Variants in PPP1R7 observed in about 807,000 individuals in gnomAD.
PPP1R7 encodes protein phosphatase 1 regulatory subunit 22.
In PPP1R7, 18 loss-of-function variants were observed where a neutral mutation model predicts 45.2. That is an observed-to-expected ratio of 0.40 (90% confidence interval 0.28 to 0.59). The LOEUF (loss-of-function observed/expected upper bound fraction) is 0.59. Among genes scored for constraint, PPP1R7 ranks in the 20% least tolerant of loss-of-function variants. The pLI, the probability that PPP1R7 is intolerant of heterozygous loss-of-function variation, is 0.46. For synonymous variants in PPP1R7, 181 were observed against 183.4 expected (o/e 0.99, Z 0.11); for missense variants, 314 against 455.8 (o/e 0.69, Z 2.83).
chr2:241,152,493 G>T (rs1455108748), intron 1 of PPP1R7, among the ~76,000 whole-genome samples: 1 of 152,216 alleles, frequency 6.6e-6, no homozygotes, highest in East Asian at 1.9e-4. Context: ...CATTGCGGGG[G>T]TAGGGAAGAA....
chr2:241,149,685 C>T, upstream of PPP1R7: 3 of 1,549,462 alleles, frequency 1.9e-6, no homozygotes, highest in East Asian at 2.4e-5. Context: ...GATGCGGTTT[C>T]CTCCCGACTC....
At chr2:241,169,958 G>C (rs1307635001) in intron 9 of PPP1R7, 91 bp downstream of exon 9, 2 of 1,107,002 alleles carry the variant, frequency 1.8e-6, no homozygotes, top group African/African-American at 3.1e-5. Flanking sequence ...AGAATCTCCT[G>C]TAAGCCTTCA....
chr2:241,175,261 C>T (rs1222543259), intron 9 of PPP1R7, among the ~76,000 whole-genome samples: 3 of 152,324 alleles, frequency 2.0e-5, no homozygotes, highest in East Asian at 3.9e-4. Flanking sequence ...TGGTGCACAG[C>T]CATCACCACC....
chr2:241,164,536 A>G (rs2149059927), intron 7 of PPP1R7, among the ~76,000 whole-genome samples: 2 of 152,294 alleles, frequency 1.3e-5, no homozygotes, highest in Middle Eastern at 3.4e-3. Flanking sequence ...GATCCCTTCG[A>G]CTGATACTGA....
rs1559423588 is a variant in PPP1R7, at chr2:241,166,396, C to T, written c.774C>T (p.Tyr258=). The T allele has an allele frequency of 1.2e-6, 2 of 1,613,996 alleles. No homozygotes were observed. The highest frequency in any genetic ancestry group is 1.7e-6 in the Non-Finnish European group (2 of 1,179,908). ...ACCTGGTGAACCTGCGGGAGCTGTACCTTAGCCACAATGGCATCGAGGTCA... is the reference window on the plus strand; with the variant it reads ...ACCTGGTGAACCTGCGGGAGCTGTATCTTAGCCACAATGGCATCGAGGTCA... ...LQNLVNLREL[Y]LSHNGIEVIE... Residue 258 remains tyrosine (Y), a synonymous_variant, in exon 8 of 10, where the codon TAC becomes TAT. Coordinates refer to ENST00000234038, the MANE Select transcript of PPP1R7 (RefSeq NM_002712.3).
chr2:241,149,874 G>T (rs1388842041), upstream of PPP1R7: 1 of 1,452,860 alleles, frequency 6.9e-7, no homozygotes, highest in African/African-American at 1.4e-5. Flanking sequence ...CCCGGAGCCA[G>T]CCAGCTGGCT....
At chr2:241,171,481 A>C (rs2067815712) in intron 9 of PPP1R7, among the ~76,000 whole-genome samples, 1 of 152,230 alleles carries the variant, frequency 6.6e-6, no homozygotes, top group Non-Finnish European at 1.5e-5. Flanking sequence ...AGGAATTCTC[A>C]AACTCAGTTC....
chr2:241,163,178 A>G (rs2067632245), intron 6 of PPP1R7, 107 bp from the exon 7 acceptor site: 2 of 695,888 alleles, frequency 2.9e-6, no homozygotes, highest in African/African-American at 1.8e-5. Context: ...CTAGCCCCAC[A>G]TCGCAGAGCT....
chr2:241,171,876 C>T (rs904894004), intron 9 of PPP1R7, among the ~76,000 whole-genome samples: 1 of 152,156 alleles, frequency 6.6e-6, no homozygotes, highest in Non-Finnish European at 1.5e-5. Context: ...TTATGATTAG[C>T]GCTCTCATGG....
intron 7 of PPP1R7, among the ~76,000 whole-genome samples, chr2:241,166,048 G>A (rs1424854165): frequency 6.8e-6 from 1 of 147,050 alleles, no homozygotes; most frequent in African/African-American, 2.4e-5. Flanking sequence ...GACTACAGGC[G>A]CCCATCATCA....
intron 8 of PPP1R7, among the ~76,000 whole-genome samples, chr2:241,166,702 A>C (rs748211013): frequency 6.6e-6 from 1 of 152,162 alleles, no homozygotes; most frequent in Non-Finnish European, 1.5e-5. Flanking sequence ...GGATTTCAGC[A>C]CAGGCTTCCC....
upstream of PPP1R7, chr2:241,150,287 G>A (rs1163374125): frequency 8.4e-6 from 11 of 1,312,638 alleles, no homozygotes; most frequent in Non-Finnish European, 1.1e-5. Flanking sequence ...TTCCGGCTCC[G>A]CCGCCTGAAA....
At chr2:241,164,657 G>A (rs985205523) in intron 7 of PPP1R7, among the ~76,000 whole-genome samples, 2 of 152,260 alleles carry the variant, frequency 1.3e-5, no homozygotes, top group South Asian at 4.1e-4. Context: ...TCAGCACTTC[G>A]GGAGATCTAG....
At chr2:241,159,142 C>T in intron 4 of PPP1R7, 71 bp from the exon 5 acceptor site, 1 of 1,538,272 alleles carries the variant, frequency 6.5e-7, no homozygotes, top group South Asian at 1.1e-5. Context: ...CTTGTGTCCT[C>T]CAGTATCAGC....
At chr2:241,176,484 C>T (rs1287844089) in intron 9 of PPP1R7, among the ~76,000 whole-genome samples, 1 of 145,510 alleles carries the variant, frequency 6.9e-6, no homozygotes, top group Non-Finnish European at 1.5e-5. Context: ...TGAGATGGAG[C>T]TTTGCTCCTG....
At chr2:241,150,241 C>T (rs951246297), upstream of PPP1R7, 1 of 1,287,998 alleles carries the variant, frequency 7.8e-7, no homozygotes, top group Non-Finnish European at 9.8e-7. Context: ...CTTCGACTCC[C>T]TCTGCTTTCC....
intron 5 of PPP1R7, among the ~76,000 whole-genome samples, chr2:241,160,102 G>A (rs1230322116): frequency 1.3e-5 from 2 of 152,162 alleles, no homozygotes; most frequent in South Asian, 2.1e-4. Flanking sequence ...TCAGGAGCCT[G>A]TAGGCTGCCT....
At chr2:241,165,295 G>A (rs1575395590) in intron 7 of PPP1R7, among the ~76,000 whole-genome samples, 2 of 151,514 alleles carry the variant, frequency 1.3e-5, no homozygotes, top group Admixed American at 6.6e-5. Context: ...GTCTCCCAAG[G>A]AGCTGAGATT....
intron 7 of PPP1R7, 101 bp from the exon 8 acceptor site, chr2:241,166,236 C>A: frequency 1.0e-6 from 1 of 997,234 alleles, no homozygotes; most frequent in Non-Finnish European, 1.5e-6. Context: ...ATTCTCTGTT[C>A]TTAGAATTCT....
Sources: gnomAD v4.1 joint callset for allele counts (sites outside exome capture counted in the v4.1 genomes callset) on GRCh38, gnomAD v4.1.1 for gene constraint, MANE v1.5 for transcripts, NCBI Gene and HGNC (gene_info 2026-07-23, HGNC 2026-07-21) for gene names.